Variants in ATP8B4 observed in about 807,000 individuals in gnomAD.
The protein encoded by ATP8B4 is ATPase phospholipid transporting 8B4 (putative).
In ATP8B4, 133 loss-of-function variants were observed where a neutral mutation model predicts 145.6. The observed-to-expected ratio is 0.91, with a 90% CI of 0.79 to 1.05. The LOEUF is 1.05. Ranked by LOEUF, ATP8B4 falls within the 50% of genes least tolerant of loss-of-function variation. ATP8B4 has a pLI of 0.00. For missense variants in ATP8B4, 1,458 were observed against 1,425.2 expected, an observed-to-expected ratio of 1.02 and a Z score of -0.37; for synonymous variants, 507 against 492.9, an observed-to-expected ratio of 1.03 and a Z score of -0.38.
At chr15:50,160,121 T>C (rs2140838871) in intron 1 of ATP8B4, among the ~76,000 whole-genome samples, 1 of 148,912 alleles carries the variant, frequency 6.7e-6, no homozygotes, top group East Asian at 2.0e-4. Context: ...TGGTTAAATC[T>C]TGGTAGGTTG....
intron 14 of ATP8B4, among the ~76,000 whole-genome samples, chr15:49,958,779 T>C (rs567433552): frequency 5.3e-4 from 81 of 152,038 alleles, no homozygotes; most frequent in East Asian, 1.9e-4. Context: ...CCAAAAGAGA[T>C]AGAAATTCTA....
At chr15:50,149,237 C>A (rs967112431) in intron 1 of ATP8B4, among the ~76,000 whole-genome samples, 5 of 152,254 alleles carry the variant, frequency 3.3e-5, no homozygotes, top group African/African-American at 1.2e-4. Flanking sequence ...CCCAGTATGT[C>A]CCTGTATATT....
chr15:50,101,347 C>T (rs1188115340), intron 2 of ATP8B4, among the ~76,000 whole-genome samples: 1 of 151,950 alleles, frequency 6.6e-6, no homozygotes, highest in Non-Finnish European at 1.5e-5. Flanking sequence ...ACAACAGAAA[C>T]CTGTGTGTCA....
chr15:50,104,232 G>T (rs1339319757), intron 2 of ATP8B4, among the ~76,000 whole-genome samples: 1 of 151,974 alleles, frequency 6.6e-6, no homozygotes, highest in Admixed American at 6.6e-5. Flanking sequence ...ATAAATAAAT[G>T]GTACTTCATT....
chr15:50,116,212 G>T (rs960415886), intron 1 of ATP8B4, among the ~76,000 whole-genome samples: 1 of 152,136 alleles, frequency 6.6e-6, no homozygotes, highest in African/African-American at 2.4e-5. Context: ...GAGCCCAGGA[G>T]TTAGAGACCA....
In ATP8B4 at chr15:49,931,147, G is replaced by T. The variant is rs1340336077; in HGVS notation, c.1614C>A (p.Asn538Lys). 1 of 1,611,410 alleles carries T rather than the reference G, an allele frequency of 6.2e-7. No homozygotes were observed. The highest frequency in any genetic ancestry group is 8.5e-7 in the Non-Finnish European group (1 of 1,178,478). Residue 538 changes from asparagine to lysine, a missense_variant, in exon 16 of 28, where the codon AAC becomes AAA. Coordinates refer to ENST00000284509, the MANE Select transcript of ATP8B4 (RefSeq NM_024837.4). Reference protein sequence around the residue: ...TYQLLAFLDFNNTRKRMSVIV... With the variant: ...TYQLLAFLDFKNTRKRMSVIV... ...TGACAGACATCCTTTTTCTGGTGTT[G>T]TTGAAATCCAAAAAGGCAAGTAATT...
intron 1 of ATP8B4, among the ~76,000 whole-genome samples, chr15:50,161,272 G>A (rs1174726088): frequency 2.0e-5 from 3 of 151,984 alleles, no homozygotes; most frequent in African/African-American, 7.2e-5. Flanking sequence ...TAAGTGAAGT[G>A]TGTTTCTTGT....
chr15:50,121,928 T>C (rs2057274572), upstream of ATP8B4, among the ~76,000 whole-genome samples: 1 of 152,144 alleles, frequency 6.6e-6, no homozygotes, highest in Non-Finnish European at 1.5e-5. Flanking sequence ...TATCTGAGCA[T>C]TTGAGAGAAA....
intron 14 of ATP8B4, among the ~76,000 whole-genome samples, chr15:49,953,754 C>T: frequency 6.6e-6 from 1 of 152,240 alleles, no homozygotes; most frequent in Admixed American, 6.5e-5. Context: ...TTCAGCAGGG[C>T]TTAAGCAGAT....
intron 1 of ATP8B4, among the ~76,000 whole-genome samples, chr15:50,164,569 G>T (rs1174876018): frequency 6.6e-6 from 1 of 152,152 alleles, no homozygotes; most frequent in Non-Finnish European, 1.5e-5. Flanking sequence ...TGGGGTTGAG[G>T]GAGGGATGAA....
chr15:50,008,444 C>A (rs369608931), intron 7 of ATP8B4, among the ~76,000 whole-genome samples: 1 of 152,164 alleles, frequency 6.6e-6, no homozygotes, highest in East Asian at 1.9e-4. Context: ...TAAAAGGCCA[C>A]ATCCGTGTGT....
chr15:50,083,597 C>T (rs1442847100), intron 2 of ATP8B4, among the ~76,000 whole-genome samples: 1 of 152,136 alleles, frequency 6.6e-6, no homozygotes, highest in African/African-American at 2.4e-5. Flanking sequence ...TAACTCCAGG[C>T]ATAAAAGAAA....
intron 14 of ATP8B4, among the ~76,000 whole-genome samples, chr15:49,950,611 C>CAAAAAAAAAA (rs1316878072): frequency 9.3e-6 from 1 of 107,200 alleles, no homozygotes; most frequent in Non-Finnish European, 1.7e-5. Context: ...AACAAACAAA[C>CAAAAAAAAAA]AAACAAACAA....
At chr15:49,988,845 T>A (rs779549702) in intron 9 of ATP8B4, among the ~76,000 whole-genome samples, 10 of 152,136 alleles carry the variant, frequency 6.6e-5, no homozygotes, top group Non-Finnish European at 1.3e-4. Flanking sequence ...AGCAACCAGT[T>A]GCCACATGGC....
chr15:49,959,734 A>AT (rs956985888), intron 14 of ATP8B4, among the ~76,000 whole-genome samples: 1 of 151,984 alleles, frequency 6.6e-6, no homozygotes, highest in East Asian at 1.9e-4. Flanking sequence ...CCTAGGAATA[A>AT]TTTTTTTTAA....
At chr15:50,048,750 G>T (rs751108860) in intron 3 of ATP8B4, among the ~76,000 whole-genome samples, 7 of 151,058 alleles carry the variant, frequency 4.6e-5, no homozygotes, top group Non-Finnish European at 7.4e-5. Flanking sequence ...ACATTACCAA[G>T]AGAAACCTGG....
chr15:50,034,795 C>A (rs1048903915), intron 6 of ATP8B4, among the ~76,000 whole-genome samples: 1 of 152,170 alleles, frequency 6.6e-6, no homozygotes, highest in African/African-American at 2.4e-5. Context: ...TCTGCAGGAA[C>A]TTTCAGGATC....
chr15:49,934,056 C>T lies in ATP8B4; in HGVS notation c.1414G>A (p.Ala472Thr), dbSNP rs778788481. 6.2e-7 allele frequency: 1 copy of T among 1,612,526 alleles called. No individual in the cohort carries two copies. Among genetic ancestry groups the T allele is most frequent in the Non-Finnish European group, 8.5e-7 (1 of 1,179,090 alleles). The change falls in exon 15 of 28, where the codon GCT (alanine) becomes ACT (threonine). Residue 472 changes from alanine to threonine, a missense_variant. By Grantham distance (58) the Ala-to-Thr change is moderately conservative. Coordinates refer to ENST00000284509, the MANE Select transcript of ATP8B4 (RefSeq NM_024837.4). ...PKVHEFLRLL[A>T]LCHTVMSEEN... ...TCTGACATTACAGTGTGGCAGAGAG[C>T]AAGTAACCTAAGGAATTCATGAACT...
At chr15:50,042,016 G>T (rs141835186) in intron 5 of ATP8B4, among the ~76,000 whole-genome samples, 4 of 151,710 alleles carry the variant, frequency 2.6e-5, no homozygotes, top group African/African-American at 7.3e-5. Flanking sequence ...TTAGCCAGGC[G>T]TTGCAGCATA....
Sources: allele counts gnomAD v4.1 joint callset (sites outside exome capture counted in the v4.1 genomes callset), GRCh38; gene constraint gnomAD v4.1.1; transcripts MANE v1.5; gene names NCBI Gene and HGNC (gene_info 2026-07-23, HGNC 2026-07-21).